The following ZFHX3 variants were observed in gnomAD, a reference collection of about 807,000 sequenced individuals.
ZFHX3 encodes zinc finger homeobox protein 3.
Under a neutral mutation model 279.1 loss-of-function variants are expected in ZFHX3, and 42 were observed. The observed-to-expected ratio is 0.15, with a 90% CI of 0.12 to 0.19. The LOEUF is 0.19. Among genes scored for constraint, ZFHX3 ranks in the 10% least tolerant of loss-of-function variants. The pLI, the probability that ZFHX3 is intolerant of heterozygous loss-of-function variation, is 1.00. For synonymous variants in ZFHX3, 2,293 were observed against 1,957.8 expected (o/e 1.17, Z -4.52); for missense variants, 4,981 against 4,754.0 (o/e 1.05, Z -1.40).
At chr16:73,545,118 C>T (rs899892085) in intron 2 of ZFHX3, among the ~76,000 whole-genome samples, 2 of 152,006 alleles carry the variant, frequency 1.3e-5, no homozygotes, top group East Asian at 1.9e-4. Context: ...CACAGTGAGG[C>T]CCCTCGGAAG....
rs181586049 is a variant in ZFHX3 at position 73,615,012 on chromosome 16, G to T, written c.-1547+65168C>A. Reference sequence around the variant, plus strand: ...TGGGCTCAAGCAATGCACCCACGTCGGCCTCCCAAAGTGCTGGGATTACAG... The same window carrying T: ...TGGGCTCAAGCAATGCACCCACGTCTGCCTCCCAAAGTGCTGGGATTACAG... On this transcript the variant is annotated intron_variant, in intron 2 of 17. Transcript: ENST00000641206. 2.3e-3 allele frequency among the ~76,000 whole-genome samples: 351 copies of T among 152,026 alleles called. 1 individual carries two copies. Among genetic ancestry groups the T allele is most frequent in the Non-Finnish European group, 4.0e-3 (270 of 67,982 alleles).
chr16:73,373,196 T>C (rs1044387087), intron 3 of ZFHX3, among the ~76,000 whole-genome samples: 14 of 152,186 alleles, frequency 9.2e-5, no homozygotes, highest in Middle Eastern at 3.4e-3. Flanking sequence ...GAGAGAGAAA[T>C]TGTCGACTGC....
In ZFHX3 at chr16:73,739,395, T is replaced by C. The variant is rs532945049; in HGVS notation, c.-1607-59155A>G. ...ACTGTCCTGTGCATTACGAGTTATT[T>C]AGCAGCATCCCTTACCTCTCTCAGT... is the stretch of plus-strand genomic sequence containing the variant. On this transcript the variant is annotated intron_variant, in intron 1 of 17. Transcript: ENST00000641206. Among the ~76,000 whole-genome samples, 23 of 152,288 alleles carry C rather than the reference T, an allele frequency of 1.5e-4. 1 individual carries two copies. The East Asian group carries it at 2.7e-3, about 18-fold the overall frequency.
intron 1 of ZFHX3, among the ~76,000 whole-genome samples, chr16:73,808,765 A>T (rs939080983): frequency 3.3e-5 from 5 of 152,174 alleles, no homozygotes; most frequent in African/African-American, 1.2e-4. Flanking sequence ...CTAGAGGAAC[A>T]ACTTAGAAGA....
intron 1 of ZFHX3, among the ~76,000 whole-genome samples, chr16:73,858,113 A>C (rs1354445850): frequency 6.6e-6 from 1 of 151,780 alleles, no homozygotes; most frequent in Non-Finnish European, 1.5e-5. Flanking sequence ...AAAAAAGAAG[A>C]AGAAGAAGAA....
intron 1 of ZFHX3, among the ~76,000 whole-genome samples, chr16:73,009,970 G>A (rs1018699097): frequency 2.8e-5 from 4 of 144,916 alleles, no homozygotes; most frequent in South Asian, 2.2e-4. Flanking sequence ...GCAGTGAGCC[G>A]AGATTGCATC....
At chr16:73,445,723 T>C (rs1298798986) in intron 3 of ZFHX3, among the ~76,000 whole-genome samples, 1 of 152,178 alleles carries the variant, frequency 6.6e-6, no homozygotes, top group Non-Finnish European at 1.5e-5. Flanking sequence ...AGCTTTGACC[T>C]TCTGAGGCTG....
chr16:73,081,254 TC>T, intron 8 of ZFHX3: 1 of 79,752 alleles, frequency 1.3e-5, no homozygotes, highest in East Asian at 6.3e-4. Flanking sequence ...TTTCTTTCTT[TC>T]TTTTTTTTTT....
intron 4 of ZFHX3, among the ~76,000 whole-genome samples, chr16:73,261,097 G>C (rs2013811855): frequency 6.6e-6 from 1 of 152,140 alleles, no homozygotes; most frequent in Non-Finnish European, 1.5e-5. Flanking sequence ...GCATTATATA[G>C]GATAGCAAAA....
chr16:73,028,382 G>A (rs559528218), intron 1 of ZFHX3, among the ~76,000 whole-genome samples: 2 of 152,186 alleles, frequency 1.3e-5, no homozygotes, highest in East Asian at 1.9e-4. Flanking sequence ...GAAAGCCAGA[G>A]AACATGCCCA....
intron 3 of ZFHX3, among the ~76,000 whole-genome samples, chr16:73,438,536 C>T (rs1306659774): frequency 6.6e-6 from 1 of 152,204 alleles, no homozygotes; most frequent in Non-Finnish European, 1.5e-5. Flanking sequence ...CGCATTAATA[C>T]TTTTCCATGT....
intron 3 of ZFHX3, among the ~76,000 whole-genome samples, chr16:72,939,846 T>C (rs1960324022): frequency 6.6e-6 from 1 of 152,122 alleles, no homozygotes; most frequent in Admixed American, 6.5e-5. Context: ...GCTGTGATCA[T>C]GGCTCACTGC....
chr16:73,768,407 T>C (rs909195900), intron 1 of ZFHX3, among the ~76,000 whole-genome samples: 1 of 152,228 alleles, frequency 6.6e-6, no homozygotes, highest in African/African-American at 2.4e-5. Flanking sequence ...CAATGTTACT[T>C]TTATATTATT....
intron 4 of ZFHX3, among the ~76,000 whole-genome samples, chr16:72,842,948 T>G (rs1228174156): frequency 6.6e-6 from 1 of 152,120 alleles, no homozygotes; most frequent in Non-Finnish European, 1.5e-5. Context: ...CTGTGTAAAA[T>G]TTAGCTGGAT....
At chr16:73,775,200 C>T (rs750355605) in intron 1 of ZFHX3, among the ~76,000 whole-genome samples, 2 of 152,156 alleles carry the variant, frequency 1.3e-5, no homozygotes, top group Non-Finnish European at 2.9e-5. Context: ...AAGGTAAGCA[C>T]CTTCAACCCT....
chr16:72,938,279 G>A (rs1051900587), intron 3 of ZFHX3, among the ~76,000 whole-genome samples: 7 of 152,246 alleles, frequency 4.6e-5, no homozygotes, highest in Non-Finnish European at 8.8e-5. Context: ...ACAGGGCCCC[G>A]TGCCCATCTC....
intron 1 of ZFHX3, among the ~76,000 whole-genome samples, chr16:73,681,526 G>C (rs144344268): frequency 5.3e-4 from 81 of 152,332 alleles, no homozygotes; most frequent in African/African-American, 1.9e-3. Flanking sequence ...CATTCGAATA[G>C]TCATGAGTCT....
intron 5 of ZFHX3, among the ~76,000 whole-genome samples, chr16:73,145,199 G>A (rs1366047959): frequency 6.6e-6 from 1 of 152,100 alleles, no homozygotes; most frequent in African/African-American, 2.4e-5. Context: ...CCTCCTGTTG[G>A]GGGAGCAGGG....
chr16:72,824,840 TA>T (rs2036894183), intron 5 of ZFHX3, among the ~76,000 whole-genome samples: 2 of 152,232 alleles, frequency 1.3e-5, no homozygotes, highest in African/African-American at 4.8e-5. Flanking sequence ...CATTCGAGAA[TA>T]CACACATTCA....
Sources: allele counts gnomAD v4.1 joint callset (sites outside exome capture counted in the v4.1 genomes callset), GRCh38; gene constraint gnomAD v4.1.1; transcripts MANE v1.5; gene names NCBI Gene and HGNC (gene_info 2026-07-23, HGNC 2026-07-21).